Variants in KAZN observed in about 807,000 individuals in gnomAD.
The protein encoded by KAZN is kazrin.
Under a neutral mutation model 87.4 loss-of-function variants are expected in KAZN, and 40 were observed. The ratio of observed to expected loss-of-function variants is 0.46; its 90% CI spans 0.36 to 0.60. KAZN has a LOEUF of 0.60. Ranked by LOEUF, KAZN falls within the 20% of genes least tolerant of loss-of-function variation. KAZN has a pLI of 0.00. For synonymous variants in KAZN, 466 were observed against 458.3 expected, an observed-to-expected ratio of 1.02 and a Z score of -0.22; for missense variants, 898 against 1,073.9, an observed-to-expected ratio of 0.84 and a Z score of 2.29.
intron 2 of KAZN, among the ~76,000 whole-genome samples, chr1:14,968,032 A>G (rs1262265515): frequency 6.6e-6 from 1 of 152,174 alleles, no homozygotes; most frequent in Non-Finnish European, 1.5e-5. Flanking sequence ...CCAGGGCATT[A>G]CATGCACTAC....
intron 1 of KAZN, among the ~76,000 whole-genome samples, chr1:14,040,995 C>A (rs1241097051): frequency 6.6e-6 from 1 of 152,072 alleles, no homozygotes; most frequent in Admixed American, 6.5e-5. Flanking sequence ...TGTATAGTTT[C>A]AACATCAAAT....
At chr1:14,022,003 A>G (rs538265024) in intron 1 of KAZN, among the ~76,000 whole-genome samples, 1 of 130,532 alleles carries the variant, frequency 7.7e-6, no homozygotes, top group Non-Finnish European at 1.5e-5. Context: ...ATGCATCATC[A>G]GTCTGTTCCA....
chr1:15,089,686 C>T (rs1171947909), intron 8 of KAZN, among the ~76,000 whole-genome samples: 2 of 137,300 alleles, frequency 1.5e-5, no homozygotes, highest in Non-Finnish European at 3.0e-5. Flanking sequence ...TGTGGCAAGC[C>T]ATAGGTGCGT....
intron 1 of KAZN, among the ~76,000 whole-genome samples, chr1:14,819,793 C>T (rs545008432): frequency 1.1e-4 from 16 of 150,536 alleles, no homozygotes; most frequent in Non-Finnish European, 2.2e-4. Flanking sequence ...TTGCAACCTC[C>T]GTCTCCTGGG....
intron 2 of KAZN, among the ~76,000 whole-genome samples, chr1:14,342,752 G>A (rs1217228269): frequency 1.3e-5 from 2 of 152,328 alleles, no homozygotes; most frequent in East Asian, 3.9e-4. Context: ...AGCACATTCA[G>A]AAACACCTTG....
intron 2 of KAZN, among the ~76,000 whole-genome samples, chr1:14,369,684 A>G (rs1660310120): frequency 6.6e-6 from 1 of 152,202 alleles, no homozygotes; most frequent in African/African-American, 2.4e-5. Context: ...TTTAGCAAAG[A>G]GGAAAGCTGA....
chr1:14,994,636 A>G (rs976536738), intron 2 of KAZN, among the ~76,000 whole-genome samples: 1 of 152,006 alleles, frequency 6.6e-6, no homozygotes, highest in Non-Finnish European at 1.5e-5. Flanking sequence ...ACCATCACTT[A>G]TCTGTTGTTC....
In KAZN at chr1:14,619,539, C is replaced by T. The variant is rs574820508; in HGVS notation, c.226+20316C>T. Among the ~76,000 whole-genome samples the T allele has an allele frequency of 1.9e-4, 29 of 152,276 alleles. 1 individual carries two copies. The East Asian group carries it at 1.9e-3, about 10-fold the overall frequency. On this transcript the variant is annotated intron_variant, in intron 1 of 14. Coordinates refer to ENST00000376030, the MANE Select transcript of KAZN (RefSeq NM_201628.3). Reference sequence around the variant, plus strand: ...TGTTATTGTAGTGAAATACACATAACGGAAAATTTGCCATTTAAATCATTT... The same window carrying T: ...TGTTATTGTAGTGAAATACACATAATGGAAAATTTGCCATTTAAATCATTT...
chr1:14,937,116 G>T lies in KAZN; in HGVS notation c.227-23568G>T, dbSNP rs1660547173. ...ATTCTTGCAGTGTGCAGCCCCTCTGGGCATAATTCTTGCAGTGCCATCTGC... is the reference window on the plus strand; with the variant it reads ...ATTCTTGCAGTGTGCAGCCCCTCTGTGCATAATTCTTGCAGTGCCATCTGC... On this transcript the variant is annotated intron_variant, in intron 1 of 14. Coordinates refer to ENST00000376030, the MANE Select transcript of KAZN (RefSeq NM_201628.3). 2.0e-5 allele frequency among the ~76,000 whole-genome samples: 3 copies of T among 152,156 alleles called. No individual in the cohort carries two copies. In the South Asian group the frequency reaches 6.2e-4, roughly 32 times the overall value.
At chr1:15,095,870 T>C (rs1640784600) in intron 10 of KAZN, among the ~76,000 whole-genome samples, 1 of 152,080 alleles carries the variant, frequency 6.6e-6, no homozygotes, top group Non-Finnish European at 1.5e-5. Context: ...GCCCTCGGCA[T>C]GACTCTAGGG....
intron 2 of KAZN, among the ~76,000 whole-genome samples, chr1:14,415,747 C>T (rs1297129526): frequency 6.6e-6 from 1 of 152,080 alleles, no homozygotes; most frequent in Non-Finnish European, 1.5e-5. Flanking sequence ...GACATTTTGC[C>T]TTCCCTTCCC....
intron 2 of KAZN, among the ~76,000 whole-genome samples, chr1:14,559,841 G>A (rs1674148819): frequency 6.6e-6 from 1 of 152,160 alleles, no homozygotes; most frequent in Non-Finnish European, 1.5e-5. Flanking sequence ...CACTCACCCT[G>A]TCCAGGCCTC....
In KAZN at chr1:14,856,733, G is replaced by A. The variant is rs372991000; in HGVS notation, c.227-103951G>A. The stretch of plus-strand genomic sequence containing the variant: ...TTCCTAAATCTTGGATTATTCTCAA[G>A]GACAATGGCCATTATGTCCATTCTT... On this transcript the variant is annotated intron_variant, in intron 1 of 14. Coordinates refer to ENST00000376030, the MANE Select transcript of KAZN (RefSeq NM_201628.3). The surrounding 1 kb of genome is among the most constrained non-coding windows in gnomAD (Gnocchi z 5.2). Among the ~76,000 whole-genome samples, 3 of 152,280 alleles carry A rather than the reference G, an allele frequency of 2.0e-5. No homozygotes were observed. In the South Asian group the frequency reaches 6.2e-4, roughly 32 times the overall value.
At chr1:14,893,437 G>A (rs1286931188) in intron 1 of KAZN, among the ~76,000 whole-genome samples, 1 of 152,170 alleles carries the variant, frequency 6.6e-6, no homozygotes, top group East Asian at 1.9e-4. Context: ...ATGGCCCTTT[G>A]ACCTGCTCAG....
At chr1:14,040,408 T>TC (rs1374956928) in intron 1 of KAZN, among the ~76,000 whole-genome samples, 3 of 152,092 alleles carry the variant, frequency 2.0e-5, no homozygotes, top group Non-Finnish European at 2.9e-5. Context: ...TGGAGGGGAT[T>TC]CCTTCCATTA....
intron 2 of KAZN, among the ~76,000 whole-genome samples, chr1:14,408,909 A>AGG (rs543825090): frequency 6.6e-6 from 1 of 150,962 alleles, no homozygotes; most frequent in Non-Finnish European, 1.5e-5. Flanking sequence ...AGAATAATGG[A>AGG]GGGGGGGCGT....
At chr1:13,938,677 A>G (rs940977521) in intron 1 of KAZN, among the ~76,000 whole-genome samples, 7 of 152,202 alleles carry the variant, frequency 4.6e-5, no homozygotes, top group African/African-American at 1.7e-4. Context: ...CAGAATCCCC[A>G]CTGGGGAACT....
At position 15,056,096 on chromosome 1, in the gene KAZN, A is replaced by G; in HGVS notation, c.732A>G (p.Lys244=). The change falls in exon 5 of 15, where the codon AAA becomes AAG. Residue 244 remains lysine (K), a synonymous_variant. Transcript: ENST00000376030. The surrounding 1 kb of genome is among the most constrained non-coding windows in gnomAD (Gnocchi z 5.4). ...TGTCTTCTTGCTCTCTCCAGGCCAA[A>G]CAGTCCTTAGCTACGCTGACCAAGG... ...KELEAELAMA[K]QSLATLTKDV... 6.2e-7 allele frequency: 1 copy of G among 1,605,570 alleles called. No individual in the cohort carries two copies. The highest frequency in any genetic ancestry group is 8.5e-7 in the Non-Finnish European group (1 of 1,173,134).
rs181538720 is a variant in KAZN, at chr1:14,943,203, A to G, written c.227-17481A>G. ...GAGCTAGCCAGACAGACGGGGAAAC[A>G]TTTGGTGGGAAGTCAGAGGCCACTC... On this transcript the variant is annotated intron_variant, in intron 1 of 14. Transcript: ENST00000376030. Among the ~76,000 whole-genome samples, 16 of 151,660 alleles carry G rather than the reference A, an allele frequency of 1.1e-4. No homozygotes were observed. In the East Asian group the frequency reaches 2.9e-3, roughly 28 times the overall value.
Sources: allele counts gnomAD v4.1 joint callset (sites outside exome capture counted in the v4.1 genomes callset), GRCh38; gene constraint gnomAD v4.1.1; non-coding constraint Gnocchi (gnomAD v3.1); transcripts MANE v1.5; gene names NCBI Gene and HGNC (gene_info 2026-07-23, HGNC 2026-07-21).